Variants in PDZRN4 observed in about 807,000 individuals in gnomAD.
The protein encoded by PDZRN4 is PDZ domain containing ring finger 4, also known as PDZ domain-containing RING finger protein 4.
A neutral mutation model predicts 99.0 loss-of-function variants in PDZRN4; 70 were observed. That is an observed-to-expected ratio of 0.71 (90% CI 0.58 to 0.86). The LOEUF (loss-of-function observed/expected upper bound fraction) is 0.86, where lower values mean the gene tolerates loss of function less well. Among genes scored for constraint, PDZRN4 ranks in the 40% least tolerant of loss-of-function variants. The pLI is 0.00. For missense variants in PDZRN4, 1,474 were observed against 1,331.2 expected (o/e 1.11, Z -1.67); for synonymous variants, 551 against 501.6 (o/e 1.10, Z -1.32).
At chr12:41,517,451 T>C (rs1423262753) in intron 5 of PDZRN4, among the ~76,000 whole-genome samples, 1 of 152,108 alleles carries the variant, frequency 6.6e-6, no homozygotes, top group Non-Finnish European at 1.5e-5. Context: ...TGACTTCTAT[T>C]CTGCTTTCAA....
chr12:41,409,124 T>C lies in PDZRN4; in HGVS notation c.844-97332T>C, dbSNP rs532821764. ...GAACTATGATAAGAGTTGAAGATGATAAAATGTCTCTTTAAAGTCATATTA... is the reference window on the plus strand; with the variant it reads ...GAACTATGATAAGAGTTGAAGATGACAAAATGTCTCTTTAAAGTCATATTA... On this transcript the variant is annotated intron_variant, in intron 3 of 9. Transcript: ENST00000402685. 3.3e-5 allele frequency among the ~76,000 whole-genome samples: 5 copies of C among 152,280 alleles called. No homozygotes were observed. In the South Asian group the frequency reaches 1.0e-3, roughly 32 times the overall value.
At chr12:41,531,276 C>T (rs1026169151) in intron 5 of PDZRN4, among the ~76,000 whole-genome samples, 1 of 152,104 alleles carries the variant, frequency 6.6e-6, no homozygotes, top group Non-Finnish European at 1.5e-5. Context: ...AGTAGGGCCA[C>T]TCAGCTGCCT....
At chr12:41,246,580 T>C (rs1039752197) in intron 3 of PDZRN4, among the ~76,000 whole-genome samples, 4 of 152,228 alleles carry the variant, frequency 2.6e-5, no homozygotes, top group African/African-American at 9.6e-5. Flanking sequence ...TAGTGGTTTG[T>C]TGGAGCTATA....
intron 3 of PDZRN4, among the ~76,000 whole-genome samples, chr12:41,221,166 G>T (rs1051609304): frequency 3.9e-5 from 6 of 152,158 alleles, no homozygotes; most frequent in African/African-American, 1.4e-4. Context: ...GGCTACCCAG[G>T]AGAGCTCTTG....
chr12:41,211,774 A>G (rs1033019229), intron 3 of PDZRN4, among the ~76,000 whole-genome samples: 19 of 152,026 alleles, frequency 1.2e-4, no homozygotes, highest in Non-Finnish European at 2.4e-4. Context: ...AAAGCCACTT[A>G]TACTAGCTAA....
intron 3 of PDZRN4, among the ~76,000 whole-genome samples, chr12:41,480,978 T>C (rs2120598466): frequency 6.6e-6 from 1 of 152,176 alleles, no homozygotes; most frequent in African/African-American, 2.4e-5. Flanking sequence ...ACAGGGTTTT[T>C]TTTTTTCTAA....
chr12:41,394,641 A>G (rs558233721), intron 3 of PDZRN4, among the ~76,000 whole-genome samples: 57 of 152,226 alleles, frequency 3.7e-4, no homozygotes, highest in Admixed American at 3.3e-3. Flanking sequence ...TTGCTTCCAC[A>G]GTCACTCATG....
chr12:41,443,997 G>C (rs1207452145), intron 3 of PDZRN4, among the ~76,000 whole-genome samples: 1 of 152,010 alleles, frequency 6.6e-6, no homozygotes, highest in African/African-American at 2.4e-5. Context: ...TAAGAAGAAA[G>C]AAAAGGAAAA....
chr12:41,360,675 A>T (rs1184553764), intron 3 of PDZRN4, among the ~76,000 whole-genome samples: 1 of 152,090 alleles, frequency 6.6e-6, no homozygotes, highest in Non-Finnish European at 1.5e-5. Context: ...CATTTTTCAT[A>T]AACTGAATAG....
chr12:41,295,927 T>A (rs76760134), intron 3 of PDZRN4, among the ~76,000 whole-genome samples: 2,250 of 152,196 alleles, frequency 0.015, 57 homozygotes, highest in African/African-American at 0.052. Flanking sequence ...ACAGATGAGA[T>A]AATGTTGAAG....
chr12:41,514,880 G>A (rs1391099924), intron 5 of PDZRN4, among the ~76,000 whole-genome samples: 2 of 152,044 alleles, frequency 1.3e-5, no homozygotes, highest in African/African-American at 2.4e-5. Context: ...GTGAAAAATA[G>A]GGAGACATAA....
intron 3 of PDZRN4, among the ~76,000 whole-genome samples, chr12:41,340,528 G>A (rs4447233): frequency 0.89 from 135,742 of 151,904 alleles, 60,895 homozygotes; most frequent in Middle Eastern, 0.96. Context: ...TGATAGCACA[G>A]CAGGGTTACT....
intron 7 of PDZRN4, among the ~76,000 whole-genome samples, chr12:41,563,107 G>A (rs1434866559): frequency 6.6e-6 from 1 of 152,190 alleles, no homozygotes; most frequent in Non-Finnish European, 1.5e-5. Context: ...GCATTGCCTG[G>A]TGAGAGATAA....
intron 3 of PDZRN4, among the ~76,000 whole-genome samples, chr12:41,398,035 C>T (rs1952262683): frequency 6.6e-6 from 1 of 152,088 alleles, no homozygotes; most frequent in South Asian, 2.1e-4. Context: ...CTGTTTGGAT[C>T]TCTGAGATGA....
chr12:41,429,760 A>G (rs1413061463), intron 3 of PDZRN4, among the ~76,000 whole-genome samples: 3 of 137,834 alleles, frequency 2.2e-5, no homozygotes, highest in African/African-American at 9.9e-5. Flanking sequence ...TGCTGGAACA[A>G]TGGCATACAA....
At chr12:41,409,977 A>G (rs1211567062) in intron 3 of PDZRN4, 2 of 152,156 alleles carry the variant, frequency 1.3e-5, no homozygotes, top group African/African-American at 4.8e-5. Flanking sequence ...TGGATCAGAA[A>G]CCAGTATGAC....
intron 3 of PDZRN4, among the ~76,000 whole-genome samples, chr12:41,290,997 A>G (rs11180661): frequency 0.13 from 20,053 of 152,090 alleles, 1,738 homozygotes; most frequent in African/African-American, 0.25. Flanking sequence ...TTAAAGATGT[A>G]GGATCTATTT....
At chr12:41,325,732 G>A in intron 3 of PDZRN4, among the ~76,000 whole-genome samples, 1 of 151,940 alleles carries the variant, frequency 6.6e-6, no homozygotes, top group East Asian at 1.9e-4. Context: ...TAGATATGGT[G>A]AAATTAAAAA....
intron 3 of PDZRN4, chr12:41,438,042 A>G: frequency 1.2e-6 from 2 of 1,610,890 alleles, no homozygotes; most frequent in Non-Finnish European, 1.7e-6. Flanking sequence ...ACCAGCAACT[A>G]AGAGCCAGGC....
Sources: allele counts gnomAD v4.1 joint callset (sites outside exome capture counted in the v4.1 genomes callset), GRCh38; gene constraint gnomAD v4.1.1; transcripts MANE v1.5; gene names NCBI Gene and HGNC (gene_info 2026-07-23, HGNC 2026-07-21).